Variants in NCOR1 observed in about 807,000 individuals in gnomAD.
NCOR1 encodes the protein nuclear receptor corepressor 1, also known as protein phosphatase 1, regulatory subunit 109.
A neutral mutation model predicts 288.1 loss-of-function variants in NCOR1; 63 were observed. The ratio of observed to expected loss-of-function variants is 0.22; its 90% confidence interval spans 0.18 to 0.27. NCOR1 has a LOEUF of 0.27. NCOR1 is among the 10% of genes least tolerant of loss of function. The pLI is 1.00. For synonymous variants in NCOR1, 1,007 were observed against 1,065.9 expected, an observed-to-expected ratio of 0.94 and a Z score of 1.08; for missense variants, 2,397 against 3,019.2, an observed-to-expected ratio of 0.79 and a Z score of 4.83.
At chr17:16,175,529 G>T (rs552459279) in intron 3 of NCOR1, among the ~76,000 whole-genome samples, 1 of 152,182 alleles carries the variant, frequency 6.6e-6, no homozygotes, top group Admixed American at 6.5e-5. Context: ...GAACTTTAAA[G>T]AATTTTAAAG....
intron 18 of NCOR1, among the ~76,000 whole-genome samples, chr17:16,116,425 G>T (rs73981457): frequency 6.6e-6 from 1 of 152,194 alleles, no homozygotes; most frequent in Non-Finnish European, 1.5e-5. Flanking sequence ...TAATGAGAAG[G>T]TGTGAAGCTC....
chr17:16,188,777 C>A (rs1254616732), intron 2 of NCOR1, among the ~76,000 whole-genome samples: 4 of 151,940 alleles, frequency 2.6e-5, no homozygotes, highest in African/African-American at 9.7e-5. Context: ...GTAATCCCAG[C>A]ACTTTGGGAG....
At chr17:16,125,120 T>C (rs1268757088) in intron 15 of NCOR1, among the ~76,000 whole-genome samples, 1 of 152,158 alleles carries the variant, frequency 6.6e-6, no homozygotes, top group African/African-American at 2.4e-5. Context: ...TCCCAACACT[T>C]TGGGAGGCTG....
chr17:16,130,999 T>C (rs2153225117), intron 14 of NCOR1, among the ~76,000 whole-genome samples: 1 of 150,260 alleles, frequency 6.7e-6, no homozygotes, highest in East Asian at 2.0e-4. Context: ...TTTTTTTTTT[T>C]TTTTTTTAAG....
At position 16,041,788 on chromosome 17, in the gene NCOR1, G is replaced by C. The variant is rs530382372; in HGVS notation, c.6680-1294C>G. Among the ~76,000 whole-genome samples, 21 of 151,934 alleles carry C rather than the reference G, an allele frequency of 1.4e-4. No individual in the cohort carries two copies. The South Asian group carries it at 1.5e-3, about 11-fold the overall frequency. ...GTCTCACTCTGCCGCCCAGGCTGGA[G>C]TGCAGCGGTGCGATCTTGGCTCACT... On this transcript the variant is annotated intron_variant, in intron 42 of 45. Transcript: ENST00000268712.
At chr17:16,168,351 C>T (rs1165704812) in intron 4 of NCOR1, among the ~76,000 whole-genome samples, 1 of 152,068 alleles carries the variant, frequency 6.6e-6, no homozygotes, top group Non-Finnish European at 1.5e-5. Flanking sequence ...CAGGCGCCTG[C>T]CACCACGTCC....
At chr17:16,116,060 T>C (rs2071503680) in intron 18 of NCOR1, among the ~76,000 whole-genome samples, 2 of 152,172 alleles carry the variant, frequency 1.3e-5, no homozygotes, top group African/African-American at 4.8e-5. Context: ...AGTAACATCT[T>C]GCATGGATGG....
At chr17:16,204,513 C>G (rs1361813120) in intron 1 of NCOR1, among the ~76,000 whole-genome samples, 1 of 152,196 alleles carries the variant, frequency 6.6e-6, no homozygotes, top group Non-Finnish European at 1.5e-5. Flanking sequence ...ACCAATGTTT[C>G]CAAGTATCAT....
At position 16,186,614 on chromosome 17, in the gene NCOR1, T is replaced by C. The variant is rs1363416319; in HGVS notation, c.182A>G (p.Gln61Arg). The change falls in exon 3 of 46, where the codon CAG (glutamine) becomes CGG (arginine). Residue 61 changes from glutamine (Q) to arginine (R), a missense_variant. Transcript: ENST00000268712. ...AGGTCGCCTTCGAAGCTGTTGCTGC[T>C]GCTGTTGCTGCAAAAGCTGTGATGC... ...SQASQLLQQQ[Q>R]QQQLRRRPSL... 1 of 1,613,990 alleles carries C rather than the reference T, an allele frequency of 6.2e-7. No homozygotes were observed. Among genetic ancestry groups the C allele is most frequent in the Non-Finnish European group, 8.5e-7 (1 of 1,179,978 alleles).
intron 10 of NCOR1, among the ~76,000 whole-genome samples, chr17:16,145,919 G>C (rs1044330497): frequency 7.2e-5 from 11 of 152,152 alleles, no homozygotes; most frequent in African/African-American, 2.2e-4. Context: ...GGAGGGAGGT[G>C]GACATGGGAG....
chr17:16,029,605 G>C lies in NCOR1; in HGVS notation c.*2691C>G. ...AATCACGTGTAAGGATATAGTGTCA[G>C]AACACTGAAATCTAAGTCTACAAAG... On this transcript the variant is annotated 3_prime_UTR_variant, in exon 46 of 46. Coordinates refer to ENST00000268712, the MANE Select transcript of NCOR1 (RefSeq NM_006311.4). The C allele has an allele frequency of 5.6e-6, 1 of 180,176 alleles. No individual in the cohort carries two copies. The allele number at this position is 180,176 out of a possible 1,614,324, so 11.2% of individuals were successfully genotyped here.
At chr17:16,102,824 C>A (rs186336328) in intron 19 of NCOR1, among the ~76,000 whole-genome samples, 2 of 152,262 alleles carry the variant, frequency 1.3e-5, no homozygotes, top group Non-Finnish European at 2.9e-5. Context: ...GAACTCCTGA[C>A]GTCAGGTGAT....
intron 31 of NCOR1, among the ~76,000 whole-genome samples, chr17:16,069,650 T>C (rs970050018): frequency 3.3e-5 from 5 of 152,204 alleles, no homozygotes; most frequent in African/African-American, 9.6e-5. Context: ...CCATTCTAAG[T>C]TCTTTACATG....
At chr17:16,168,849 T>C (rs983561028) in intron 4 of NCOR1, among the ~76,000 whole-genome samples, 3 of 151,728 alleles carry the variant, frequency 2.0e-5, no homozygotes, top group African/African-American at 7.3e-5. Context: ...CGTGCGCCTG[T>C]AGTCCCAGCT....
chr17:16,209,171 G>A (rs545164829), intron 1 of NCOR1, among the ~76,000 whole-genome samples: 1 of 152,098 alleles, frequency 6.6e-6, no homozygotes, highest in Admixed American at 6.6e-5. Flanking sequence ...GGAGAAGAGG[G>A]AATAGGAGAG....
intron 3 of NCOR1, among the ~76,000 whole-genome samples, chr17:16,184,106 A>T (rs2086100995): frequency 6.6e-6 from 1 of 152,220 alleles, no homozygotes; most frequent in Non-Finnish European, 1.5e-5. Context: ...CTTAAATATA[A>T]GATCAGAAAC....
At chr17:16,147,323 C>T (rs529507081) in intron 9 of NCOR1, among the ~76,000 whole-genome samples, 3 of 152,146 alleles carry the variant, frequency 2.0e-5, no homozygotes, top group South Asian at 2.1e-4. Flanking sequence ...GCGGGAGAAT[C>T]GCTTGAACCC....
chr17:16,092,681 ATATATATATATATAT>A (rs1417056570), intron 21 of NCOR1, among the ~76,000 whole-genome samples: 16 of 19,952 alleles, frequency 8.0e-4, no homozygotes, highest in African/African-American at 3.0e-3. Flanking sequence ...ATATATATAT[ATATATATATATATAT>A]TTTTTTTTTT....
intron 19 of NCOR1, among the ~76,000 whole-genome samples, chr17:16,106,874 TATATATA>T (rs1568055147): frequency 5.5e-4 from 32 of 58,030 alleles, no homozygotes; most frequent in African/African-American, 2.5e-3. Context: ...TATATATATA[TATATATA>T]TATTTTTTTT....
Sources: allele counts gnomAD v4.1 joint callset (sites outside exome capture counted in the v4.1 genomes callset), GRCh38; gene constraint gnomAD v4.1.1; transcripts MANE v1.5; gene names NCBI Gene and HGNC (gene_info 2026-07-23, HGNC 2026-07-21).